The following BABAM2 variants were observed in gnomAD, a reference collection of about 807,000 sequenced individuals.
BABAM2 encodes the protein BRISC and BRCA1 A complex member 2, also known as BRISC and BRCA1-A complex member 2.
A neutral mutation model predicts 54.7 loss-of-function variants in BABAM2; 31 were observed. That is an observed-to-expected ratio of 0.57 (90% CI 0.43 to 0.77). BABAM2 has a LOEUF of 0.77. Among genes scored for constraint, BABAM2 ranks in the 30% least tolerant of loss-of-function variants. The pLI, the probability that BABAM2 is intolerant of heterozygous loss-of-function variation, is 0.00. For missense variants in BABAM2, 364 were observed against 455.8 expected (o/e 0.80, Z 1.83); for synonymous variants, 167 against 162.9 (o/e 1.03, Z -0.19).
intron 5 of BABAM2, among the ~76,000 whole-genome samples, chr2:28,026,696 C>T (rs1422348955): frequency 6.0e-5 from 8 of 133,312 alleles, no homozygotes; most frequent in South Asian, 2.2e-4. Flanking sequence ...CAAACCTGCA[C>T]GTTCTTCACA....
At chr2:27,940,941 C>T (rs576441677) in intron 3 of BABAM2, among the ~76,000 whole-genome samples, 4 of 152,286 alleles carry the variant, frequency 2.6e-5, no homozygotes, top group Non-Finnish European at 4.4e-5. Flanking sequence ...AACCAACCCC[C>T]GACTTCTGTT....
At chr2:28,233,115 C>G (rs902315279) in intron 7 of BABAM2, 7 of 440,358 alleles carry the variant, frequency 1.6e-5, no homozygotes, top group Non-Finnish European at 3.3e-5. Context: ...CTCATCAGAA[C>G]AGCCCTATCA....
intron 2 of BABAM2, among the ~76,000 whole-genome samples, chr2:27,910,550 G>A (rs1341104646): frequency 6.6e-6 from 1 of 152,172 alleles, no homozygotes; most frequent in East Asian, 1.9e-4. Context: ...CACCTTGTAC[G>A]TCCTCTTTGT....
intron 7 of BABAM2, among the ~76,000 whole-genome samples, chr2:28,139,355 A>G: frequency 6.6e-6 from 1 of 150,886 alleles, no homozygotes; most frequent in East Asian, 2.0e-4. Flanking sequence ...AGAAAAAGAA[A>G]AAAAAGAGGT....
rs564207103 is a variant in BABAM2 at position 28,053,139 on chromosome 2, C to T, written c.570+7340C>T. On this transcript the variant is annotated intron_variant, in intron 6 of 11. Coordinates refer to ENST00000379624, the MANE Select transcript of BABAM2 (RefSeq NM_199191.3). ...CATGTAAGATAGAAACATTGAAAAG[C>T]CTTTGATTCTGATAAGAATATATAA... Among the ~76,000 whole-genome samples, 142 of 152,220 alleles carry T rather than the reference C, an allele frequency of 9.3e-4. 1 individual carries two copies. The highest frequency in any genetic ancestry group is 3.4e-3 in the African/African-American group (141 of 41,540).
intron 3 of BABAM2, among the ~76,000 whole-genome samples, chr2:27,966,697 C>G (rs1015440794): frequency 6.6e-6 from 1 of 152,248 alleles, no homozygotes; most frequent in Non-Finnish European, 1.5e-5. Context: ...GCGAAAATGT[C>G]TGGCTGGCCG....
At chr2:28,152,630 A>G (rs939619072) in intron 7 of BABAM2, among the ~76,000 whole-genome samples, 7 of 152,138 alleles carry the variant, frequency 4.6e-5, no homozygotes, top group African/African-American at 1.7e-4. Context: ...CTGCTCACCC[A>G]TTCTGAAATC....
chr2:27,999,551 A>C (rs1331282714), intron 4 of BABAM2, among the ~76,000 whole-genome samples: 1 of 152,248 alleles, frequency 6.6e-6, no homozygotes, highest in Non-Finnish European at 1.5e-5. Context: ...ATTCATTGCC[A>C]GTCTAAGCTG....
chr2:28,092,775 G>A (rs186714545), intron 6 of BABAM2, among the ~76,000 whole-genome samples: 2 of 125,776 alleles, frequency 1.6e-5, no homozygotes, highest in African/African-American at 5.7e-5. Flanking sequence ...TCTCTCTCAC[G>A]CTCTCTCTCT....
At chr2:28,049,088 C>T (rs987112513) in intron 6 of BABAM2, among the ~76,000 whole-genome samples, 4 of 152,142 alleles carry the variant, frequency 2.6e-5, no homozygotes, top group African/African-American at 9.7e-5. Flanking sequence ...AGCTTAGAAA[C>T]TAAGAATACA....
chr2:28,262,989 G>A (rs1231002672), intron 10 of BABAM2, among the ~76,000 whole-genome samples: 1 of 152,066 alleles, frequency 6.6e-6, no homozygotes, highest in East Asian at 1.9e-4. Flanking sequence ...GAGGCTTTGG[G>A]CAGTAACTTC....
chr2:28,122,555 T>A (rs773523659), intron 6 of BABAM2, among the ~76,000 whole-genome samples: 5 of 152,202 alleles, frequency 3.3e-5, no homozygotes, highest in Non-Finnish European at 5.9e-5. Context: ...ATACAATGGC[T>A]TTTTTACCGT....
chr2:28,157,412 T>C (rs1672646863), intron 7 of BABAM2, among the ~76,000 whole-genome samples: 1 of 152,324 alleles, frequency 6.6e-6, no homozygotes, highest in African/African-American at 2.4e-5. Flanking sequence ...CTTAGTTAGC[T>C]TATTTTTACA....
chr2:28,000,967 A>G (rs1054325294), intron 4 of BABAM2, among the ~76,000 whole-genome samples: 9 of 152,082 alleles, frequency 5.9e-5, no homozygotes, highest in African/African-American at 2.2e-4. Flanking sequence ...TTCCTGCTCC[A>G]GTCTTAGTAT....
At chr2:28,129,008 C>T (rs552919408) in intron 6 of BABAM2, among the ~76,000 whole-genome samples, 12 of 152,226 alleles carry the variant, frequency 7.9e-5, no homozygotes, top group African/African-American at 2.9e-4. Flanking sequence ...GTTCACTACC[C>T]GCCCCCTACC....
At chr2:28,060,596 A>T (rs1341167869) in intron 6 of BABAM2, among the ~76,000 whole-genome samples, 3 of 152,218 alleles carry the variant, frequency 2.0e-5, no homozygotes, top group African/African-American at 7.2e-5. Context: ...AAGCCTAAGG[A>T]AATTACAAAA....
intron 6 of BABAM2, among the ~76,000 whole-genome samples, chr2:28,076,274 AAAAAGAAAAG>A (rs922798405): frequency 3.3e-5 from 5 of 152,058 alleles, no homozygotes; most frequent in African/African-American, 1.2e-4. Flanking sequence ...ACCCTTTCTC[AAAAAGAAAAG>A]AAAAGAAAAG....
intron 10 of BABAM2, among the ~76,000 whole-genome samples, chr2:28,262,613 C>T (rs945414962): frequency 1.3e-5 from 2 of 152,028 alleles, no homozygotes; most frequent in African/African-American, 2.4e-5. Flanking sequence ...CTGATGATGC[C>T]ATCATCTTAG....
At chr2:28,311,554 A>C (rs535647386) in intron 11 of BABAM2, among the ~76,000 whole-genome samples, 9 of 152,154 alleles carry the variant, frequency 5.9e-5, no homozygotes, top group Non-Finnish European at 1.3e-4. Flanking sequence ...TAAGTCAAGA[A>C]AAAGCAAAGG....
Sources: allele counts gnomAD v4.1 joint callset (sites outside exome capture counted in the v4.1 genomes callset), GRCh38; gene constraint gnomAD v4.1.1; transcripts MANE v1.5; gene names NCBI Gene and HGNC (gene_info 2026-07-23, HGNC 2026-07-21).